Variants in NHSL1 observed in about 807,000 individuals in gnomAD.
The protein encoded by NHSL1 is NHS like 1.
In NHSL1, 48 loss-of-function variants were observed where a neutral mutation model predicts 95.0. That is an observed-to-expected ratio of 0.51 (90% CI 0.40 to 0.64). The LOEUF is 0.64. Ranked by LOEUF, NHSL1 falls within the 30% of genes least tolerant of loss-of-function variation. The pLI is 0.00. For synonymous variants in NHSL1, 783 were observed against 833.9 expected (o/e 0.94, Z 1.05); for missense variants, 1,971 against 2,077.7 (o/e 0.95, Z 1.00).
intron 1 of NHSL1, among the ~76,000 whole-genome samples, chr6:138,638,917 A>G (rs1310924504): frequency 6.6e-6 from 1 of 152,244 alleles, no homozygotes; most frequent in Non-Finnish European, 1.5e-5. Context: ...CCCAGAAGTC[A>G]GGCCAAACCA....
intron 1 of NHSL1, among the ~76,000 whole-genome samples, chr6:138,566,663 G>T (rs1394376821): frequency 1.3e-5 from 2 of 149,972 alleles, no homozygotes; most frequent in East Asian, 3.9e-4. Flanking sequence ...ACTAAAAAAG[G>T]AAGGATACTA....
At chr6:138,472,453 A>T (rs1778815363) in intron 3 of NHSL1, among the ~76,000 whole-genome samples, 1 of 151,908 alleles carries the variant, frequency 6.6e-6, no homozygotes, top group Non-Finnish European at 1.5e-5. Context: ...TATTCTCTGA[A>T]GTTACCTATT....
upstream of NHSL1, among the ~76,000 whole-genome samples, chr6:138,549,389 A>G (rs371126456): frequency 1.3e-5 from 2 of 152,180 alleles, no homozygotes; most frequent in East Asian, 3.8e-4. Flanking sequence ...GTCTCAAAAA[A>G]AGAGAGAGAG....
intron 1 of NHSL1, among the ~76,000 whole-genome samples, chr6:138,642,305 G>T (rs1784969377): frequency 6.6e-6 from 1 of 152,076 alleles, no homozygotes; most frequent in Non-Finnish European, 1.5e-5. Flanking sequence ...TAATTAATTT[G>T]CAATTTTATA....
intron 1 of NHSL1, among the ~76,000 whole-genome samples, chr6:138,520,323 T>A (rs994063496): frequency 8.0e-6 from 1 of 125,042 alleles, no homozygotes; most frequent in Non-Finnish European, 1.6e-5. Flanking sequence ...GGAGTCCCGC[T>A]CTGTCACCAG....
At chr6:138,471,365 C>A (rs1196094947) in intron 3 of NHSL1, among the ~76,000 whole-genome samples, 1 of 152,140 alleles carries the variant, frequency 6.6e-6, no homozygotes, top group Non-Finnish European at 1.5e-5. Flanking sequence ...TAAAGTGTAT[C>A]TGAATAAACA....
At chr6:138,564,044 T>C (rs1180732992) in intron 1 of NHSL1, among the ~76,000 whole-genome samples, 1 of 151,928 alleles carries the variant, frequency 6.6e-6, no homozygotes, top group African/African-American at 2.4e-5. Context: ...ACTTTACTAA[T>C]TGGTCAAAAC....
chr6:138,503,983 A>G (rs1780824923), upstream of NHSL1, among the ~76,000 whole-genome samples: 1 of 152,066 alleles, frequency 6.6e-6, no homozygotes, highest in Non-Finnish European at 1.5e-5. Flanking sequence ...GTAATCCCAG[A>G]GCTTTGGGAG....
At chr6:138,561,777 T>C (rs546393290) in intron 1 of NHSL1, among the ~76,000 whole-genome samples, 20 of 152,154 alleles carry the variant, frequency 1.3e-4, no homozygotes, top group Non-Finnish European at 2.9e-4. Context: ...GCTGGGAGAC[T>C]TGGCCAACAA....
At chr6:138,558,648 T>C (rs1235197438) in intron 1 of NHSL1, among the ~76,000 whole-genome samples, 2 of 152,132 alleles carry the variant, frequency 1.3e-5, no homozygotes, top group Non-Finnish European at 2.9e-5. Flanking sequence ...CTTGATCTCC[T>C]GACCTCGTGA....
At chr6:138,621,271 T>G (rs574363430) in intron 1 of NHSL1, among the ~76,000 whole-genome samples, 1 of 152,304 alleles carries the variant, frequency 6.6e-6, no homozygotes, top group South Asian at 2.1e-4. Context: ...TTCATTATCA[T>G]CCAATTTAGT....
At chr6:138,683,921 C>T (rs1437962213) in intron 1 of NHSL1, among the ~76,000 whole-genome samples, 1 of 152,220 alleles carries the variant, frequency 6.6e-6, no homozygotes, top group Non-Finnish European at 1.5e-5. Context: ...TACAAAACCC[C>T]TGCAAAGCAC....
At chr6:138,623,525 A>G (rs1020411971) in intron 1 of NHSL1, among the ~76,000 whole-genome samples, 6 of 152,126 alleles carry the variant, frequency 3.9e-5, no homozygotes, top group African/African-American at 1.5e-4. Flanking sequence ...TTTTGTGGTG[A>G]GAATATTTAA....
At chr6:138,437,445 C>CACAAAA (rs1434317225) in intron 5 of NHSL1, among the ~76,000 whole-genome samples, 2 of 61,810 alleles carry the variant, frequency 3.2e-5, no homozygotes, top group African/African-American at 1.3e-4. Context: ...CACACACACA[C>CACAAAA]AAAAAAAAAA....
At chr6:138,489,831 A>AGG (rs1779934543) in intron 2 of NHSL1, among the ~76,000 whole-genome samples, 1 of 85,142 alleles carries the variant, frequency 1.2e-5, no homozygotes, top group Non-Finnish European at 2.3e-5. Flanking sequence ...AGAGGGAGAG[A>AGG]GAGAGAGAGA....
chr6:138,681,217 A>G (rs1241977358), intron 1 of NHSL1, among the ~76,000 whole-genome samples: 1 of 152,210 alleles, frequency 6.6e-6, no homozygotes, highest in Non-Finnish European at 1.5e-5. Flanking sequence ...AGAGGGGAAA[A>G]TAACATAAAT....
chr6:138,435,865 CT>C lies in NHSL1; in HGVS notation c.665-2186del, dbSNP rs1776060319. 8.6e-5 allele frequency among the ~76,000 whole-genome samples: 13 copies of C among 151,990 alleles called. No homozygotes were observed. The South Asian group carries it at 2.7e-3, about 32-fold the overall frequency. ...TTGGTAATTCTTGCAATATTTCAAA[CT>C]TTTTCATTATTATTAGATCTGTTAC... On this transcript the variant is annotated intron_variant, in intron 5 of 7. Coordinates refer to ENST00000343505, the MANE Select transcript of NHSL1 (RefSeq NM_001144060.2).
chr6:138,538,032 T>G (rs1421144575), intron 1 of NHSL1, among the ~76,000 whole-genome samples: 2 of 152,120 alleles, frequency 1.3e-5, no homozygotes, highest in Non-Finnish European at 2.9e-5. Flanking sequence ...TTGGTCAGAG[T>G]TGATGAACTT....
intron 1 of NHSL1, among the ~76,000 whole-genome samples, chr6:138,559,445 A>G (rs547566437): frequency 6.6e-6 from 1 of 152,334 alleles, no homozygotes; most frequent in East Asian, 1.9e-4. Flanking sequence ...CTAGGGGCGC[A>G]GAGGGGAACT....
Sources: gnomAD v4.1 joint callset for allele counts (sites outside exome capture counted in the v4.1 genomes callset) on GRCh38, gnomAD v4.1.1 for gene constraint, MANE v1.5 for transcripts, NCBI Gene and HGNC (gene_info 2026-07-23, HGNC 2026-07-21) for gene names.